Variants in RARB observed in about 807,000 individuals in gnomAD.
RARB encodes the protein HBV-activated protein.
RARB carries 17 observed loss-of-function variants against 51.9 expected under a neutral mutation model. The ratio of observed to expected loss-of-function variants is 0.33; its 90% CI spans 0.22 to 0.49. The LOEUF is 0.49. RARB is among the 20% of genes least tolerant of loss of function. The pLI is 0.99. For missense variants in RARB, 369 were observed against 550.8 expected, an observed-to-expected ratio of 0.67 and a Z score of 3.30; for synonymous variants, 215 against 195.4, an observed-to-expected ratio of 1.10 and a Z score of -0.84.
intron 2 of RARB, among the ~76,000 whole-genome samples, chr3:25,005,275 C>T (rs549732614): frequency 2.6e-5 from 4 of 152,188 alleles, no homozygotes; most frequent in African/African-American, 9.6e-5. Flanking sequence ...AGAAATTACA[C>T]CAATACGTAG....
chr3:25,504,377 G>C (rs1281678797), intron 3 of RARB, among the ~76,000 whole-genome samples: 1 of 152,236 alleles, frequency 6.6e-6, no homozygotes, highest in Non-Finnish European at 1.5e-5. Context: ...CCTAGGGACA[G>C]ATTCTCATTG....
At chr3:24,988,256 A>C (rs1449042242) in intron 2 of RARB, among the ~76,000 whole-genome samples, 1 of 152,220 alleles carries the variant, frequency 6.6e-6, no homozygotes, top group Non-Finnish European at 1.5e-5. Flanking sequence ...TTGAACTTAA[A>C]GTAAAAGCCA....
At chr3:25,539,743 C>T (rs1271781732) in intron 3 of RARB, among the ~76,000 whole-genome samples, 1 of 151,974 alleles carries the variant, frequency 6.6e-6, no homozygotes, top group Non-Finnish European at 1.5e-5. Context: ...TTCCTCGATC[C>T]ATACACTGGA....
intron 2 of RARB, among the ~76,000 whole-genome samples, chr3:24,996,010 T>A (rs1697029684): frequency 6.6e-6 from 1 of 152,086 alleles, no homozygotes; most frequent in Non-Finnish European, 1.5e-5. Flanking sequence ...CTCCAATATT[T>A]TGTAATAGTT....
At chr3:25,391,641 G>A (rs1706962363) in intron 5 of RARB, among the ~76,000 whole-genome samples, 1 of 152,148 alleles carries the variant, frequency 6.6e-6, no homozygotes, top group Admixed American at 6.5e-5. Flanking sequence ...CTGAAAATTA[G>A]TGATGTGGGG....
chr3:25,180,048 C>T (rs993749719), intron 5 of RARB, among the ~76,000 whole-genome samples: 1 of 152,154 alleles, frequency 6.6e-6, no homozygotes, highest in African/African-American at 2.4e-5. Flanking sequence ...ATATCATTCA[C>T]TTTGATCAGA....
chr3:25,395,800 C>T (rs1023157655), intron 5 of RARB, among the ~76,000 whole-genome samples: 7 of 152,116 alleles, frequency 4.6e-5, no homozygotes, highest in Admixed American at 1.3e-4. Context: ...TAGCTTTCAC[C>T]TTTCTCTGGT....
At chr3:25,562,953 T>C (rs945772436) in intron 3 of RARB, among the ~76,000 whole-genome samples, 1 of 152,258 alleles carries the variant, frequency 6.6e-6, no homozygotes, top group Non-Finnish European at 1.5e-5. Context: ...ATTTGACGTC[T>C]GTATATTCTG....
At chr3:24,887,813 G>A (rs967884015) in intron 2 of RARB, among the ~76,000 whole-genome samples, 1 of 152,282 alleles carries the variant, frequency 6.6e-6, no homozygotes, top group Non-Finnish European at 1.5e-5. Flanking sequence ...GCTCTGTCAG[G>A]TTTTGGGTTT....
chr3:25,052,762 C>T (rs1698362504), intron 2 of RARB, among the ~76,000 whole-genome samples: 1 of 152,120 alleles, frequency 6.6e-6, no homozygotes, highest in Non-Finnish European at 1.5e-5. Context: ...GCATTCTTCC[C>T]TTACACCAGA....
chr3:25,214,384 A>G (rs959420298), intron 5 of RARB, among the ~76,000 whole-genome samples: 4 of 152,248 alleles, frequency 2.6e-5, no homozygotes, highest in African/African-American at 7.2e-5. Context: ...TTTGAAGAAT[A>G]TGAGTGCTTA....
At chr3:25,248,328 C>G (rs1318547714) in intron 5 of RARB, among the ~76,000 whole-genome samples, 1 of 152,112 alleles carries the variant, frequency 6.6e-6, no homozygotes, top group Non-Finnish European at 1.5e-5. Flanking sequence ...CATTTAGCCA[C>G]TCTATCCTTT....
chr3:24,948,713 T>C (rs1695826872), intron 2 of RARB, among the ~76,000 whole-genome samples: 1 of 152,146 alleles, frequency 6.6e-6, no homozygotes, highest in African/African-American at 2.4e-5. Context: ...AGATCCCTCA[T>C]GAATGATTTA....
chr3:24,997,425 T>A (rs1166896370), intron 2 of RARB, among the ~76,000 whole-genome samples: 1 of 152,142 alleles, frequency 6.6e-6, no homozygotes, highest in Non-Finnish European at 1.5e-5. Flanking sequence ...GTTGAGAATG[T>A]ACTCAATTTG....
intron 4 of RARB, among the ~76,000 whole-genome samples, chr3:25,142,081 C>T (rs1700115638): frequency 6.6e-6 from 1 of 152,168 alleles, no homozygotes; most frequent in African/African-American, 2.4e-5. Context: ...CCTGTGATGC[C>T]AACACTTTGG....
At chr3:25,342,119 A>G (rs1002160189) in intron 5 of RARB, among the ~76,000 whole-genome samples, 2 of 152,214 alleles carry the variant, frequency 1.3e-5, no homozygotes, top group African/African-American at 4.8e-5. Context: ...CTAATATGGA[A>G]AAATAAGAAA....
chr3:25,366,813 T>C (rs1324415622), intron 5 of RARB, among the ~76,000 whole-genome samples: 1 of 152,198 alleles, frequency 6.6e-6, no homozygotes. Flanking sequence ...TTCCTAAATA[T>C]TATCCTTGCA....
intron 2 of RARB, among the ~76,000 whole-genome samples, chr3:25,490,176 A>T (rs951691439): frequency 1.2e-4 from 19 of 152,166 alleles, no homozygotes; most frequent in Non-Finnish European, 2.2e-4. Context: ...TTTTTACTCC[A>T]GGTTCGGGAT....
intron 2 of RARB, among the ~76,000 whole-genome samples, chr3:25,012,046 T>C (rs904051447): frequency 3.3e-5 from 5 of 152,098 alleles, no homozygotes; most frequent in African/African-American, 9.7e-5. Flanking sequence ...ACAAGTACTT[T>C]TAATTCAACA....
Sources: gnomAD v4.1 joint callset for allele counts (sites outside exome capture counted in the v4.1 genomes callset) on GRCh38, gnomAD v4.1.1 for gene constraint, MANE v1.5 for transcripts, NCBI Gene and HGNC (gene_info 2026-07-23, HGNC 2026-07-21) for gene names.